CEL: variants seen among roughly 807,000 people sequenced by gnomAD.
The protein encoded by CEL is bile salt-activated lipase.
A neutral mutation model predicts 57.1 loss-of-function variants in CEL; 39 were observed. The ratio of observed to expected loss-of-function variants is 0.68; its 90% CI spans 0.53 to 0.89. The LOEUF is 0.89. CEL is among the 40% of genes least tolerant of loss of function. CEL has a pLI of 0.00. For synonymous variants in CEL, 314 were observed against 396.6 expected (o/e 0.79, Z 2.48); for missense variants, 698 against 915.0 (o/e 0.76, Z 3.06).
chr9:133,065,351 C>A, intron 4 of CEL, 114 bp downstream of exon 4: 1 of 1,225,526 alleles, frequency 8.2e-7, no homozygotes, highest in Non-Finnish European at 1.2e-6. Context: ...CAGAAAGACC[C>A]GGAAGCTGGA....
chr9:133,064,397 C>A lies in CEL; in HGVS notation c.67-7C>A, dbSNP rs780628254. The A allele has an allele frequency of 6.2e-7, 1 of 1,613,706 alleles. No individual in the cohort carries two copies. The highest frequency in any genetic ancestry group is 8.5e-7 in the Non-Finnish European group (1 of 1,180,008). Reference sequence around the variant, plus strand: ...CCCCCCTGACCCTGCCCGTGTCTCCCTCGCAGCTGGGCGCCGTGTACACAG... The same window carrying A: ...CCCCCCTGACCCTGCCCGTGTCTCCATCGCAGCTGGGCGCCGTGTACACAG... On this transcript the variant is annotated splice_region_variant and splice_polypyrimidine_tract_variant and intron_variant, in intron 1 of 10. Transcript: ENST00000372080.
intron 7 of CEL, among the ~76,000 whole-genome samples, chr9:133,067,681 A>G (rs1001377346): frequency 6.6e-6 from 1 of 152,022 alleles, no homozygotes; most frequent in African/African-American, 2.4e-5. Context: ...CCCCTTCTTT[A>G]TTCTTATCTC....
At chr9:133,067,033 T>C in intron 6 of CEL, 55 bp from the exon 7 acceptor site, 1 of 1,609,334 alleles carries the variant, frequency 6.2e-7, no homozygotes, top group South Asian at 1.1e-5. Context: ...CTTCAAATGG[T>C]TCTGAGCCCT....
rs750019603 is a variant in CEL at position 133,070,633 on chromosome 9, T to C, written c.1459T>C (p.Tyr487His). The C allele has an allele frequency of 3.7e-6, 6 of 1,614,064 alleles. No individual in the cohort carries two copies. Among genetic ancestry groups the C allele is most frequent in the Non-Finnish European group, 5.1e-6 (6 of 1,180,032 alleles). Residue 487 changes from tyrosine (Y) to histidine (H), a missense_variant, in exon 10 of 11, where the codon TAC becomes CAC. Around this residue, in one of 6 missense-constraint regions of CEL, gnomAD observed 111 missense variants for 147.3 expected, o/e 0.75. Transcript: ENST00000372080. ...DRTVSKAMIA[Y>H]WTNFAKTGDP... The stretch of plus-strand genomic sequence containing the variant: ...GACAGTCTCTAAGGCCATGATCGCC[T>C]ACTGGACCAACTTTGCCAAAACAGG...
chr9:133,067,106 T>G lies in CEL; in HGVS notation c.796T>G (p.Cys266Gly). 6.2e-7 allele frequency: 1 copy of G among 1,614,096 alleles called. No individual in the cohort carries two copies. Among genetic ancestry groups the G allele is most frequent in the Non-Finnish European group, 8.5e-7 (1 of 1,180,002 alleles). ...CCCCCAGGTGGCTGAGAAGGTGGGT[T>G]GCCCTGTGGGTGATGCCGCCAGGAT... ...WAKKVAEKVG[C>G]PVGDAARMAQ... The change falls in exon 7 of 11, where the codon TGC (cysteine) becomes GGC (glycine). Residue 266 changes from cysteine to glycine, a missense_variant. This residue lies in a region of CEL where 327 missense variants were observed against 374.1 expected (regional missense o/e 0.87). Transcript: ENST00000372080.
intron 4 of CEL, among the ~76,000 whole-genome samples, chr9:133,065,947 G>A (rs1293135747): frequency 2.0e-5 from 3 of 152,086 alleles, no homozygotes; most frequent in African/African-American, 4.8e-5. Flanking sequence ...GAGCCCAGGG[G>A]TTCAAAGCTG....
Position 133,066,368 on chromosome 9 carries a change from AC to A in CEL, c.539-159del, listed in dbSNP as rs1447637760. On this transcript the variant is annotated intron_variant, in intron 4 of 10. Transcript: ENST00000372080. The surrounding 1 kb of genome is among the most constrained non-coding windows in gnomAD (Gnocchi z 4.3). ...GGGGACCCACCCCCTCCAGCACCCT[AC>A]CCGACCCAGCTTCTTAGGGACCCAC... Among the ~76,000 whole-genome samples, 2 of 151,822 alleles carry A rather than the reference AC, an allele frequency of 1.3e-5. No homozygotes were observed. Among genetic ancestry groups the A allele is most frequent in the African/African-American group, 4.8e-5 (2 of 41,282 alleles).
At chr9:133,063,545 C>T (rs1376750714) in intron 1 of CEL, among the ~76,000 whole-genome samples, 1 of 152,212 alleles carries the variant, frequency 6.6e-6, no homozygotes, top group Admixed American at 6.5e-5. Flanking sequence ...TGACAGCCAG[C>T]AAGCAATGAC....
At chr9:133,067,706 C>T (rs1282422357) in intron 7 of CEL, among the ~76,000 whole-genome samples, 1 of 152,154 alleles carries the variant, frequency 6.6e-6, no homozygotes, top group African/African-American at 2.4e-5. Context: ...GAGTTACAGA[C>T]TCCCCTTTGA....
At chr9:133,069,629 T>G (rs1278786738) in intron 9 of CEL, among the ~76,000 whole-genome samples, 1 of 152,060 alleles carries the variant, frequency 6.6e-6, no homozygotes, top group Non-Finnish European at 1.5e-5. Flanking sequence ...GCCCATAATT[T>G]CAGCCCACCA....
At chr9:133,070,854 C>A in intron 10 of CEL, 133 bp from the exon 11 acceptor site, 1 of 1,239,550 alleles carries the variant, frequency 8.1e-7, no homozygotes, top group East Asian at 2.5e-5. Context: ...CAGCCAGTGC[C>A]CAGTATGCAG....
Position 133,070,608 on chromosome 9 carries a change from G to A in CEL, c.1434G>A (p.Arg478=). ...CCACGGGCTACCGGCCCCAAGACAG[G>A]ACAGTCTCTAAGGCCATGATCGCCT... ...ATPTGYRPQD[R]TVSKAMIAYW... is the part of the protein sequence containing the mutation. Residue 478 remains arginine (R), a synonymous_variant, in exon 10 of 11, where the codon AGG becomes AGA. Coordinates refer to ENST00000372080, the MANE Select transcript of CEL (RefSeq NM_001807.6). The A allele has an allele frequency of 1.2e-6, 2 of 1,614,134 alleles. No homozygotes were observed. The highest frequency in any genetic ancestry group is 1.1e-5 in the South Asian group (1 of 91,078).
At position 133,066,971 on chromosome 9, in the gene CEL, C is replaced by CGGGGGGGGGG. The variant is rs2119063419; in HGVS notation, c.777+30_777+31insGGGGGGGGGG. On this transcript the variant is annotated intron_variant, in intron 6 of 10. Transcript: ENST00000372080. The surrounding 1 kb of genome is among the most constrained non-coding windows in gnomAD (Gnocchi z 4.3). ...GTAAACGGAGGAGGGCAGGGCTGGG[C>CGGGGGGGGGG]GGGGTGGGGGCTGTCCACATTTCCG... 36 of 571,304 alleles carry CGGGGGGGGGG rather than the reference C, an allele frequency of 6.3e-5. No homozygotes were observed. Among genetic ancestry groups the CGGGGGGGGGG allele is most frequent in the Non-Finnish European group, 9.7e-5 (32 of 330,406 alleles). 35.4% of individuals were successfully genotyped at this position (571,304 alleles called of 1,614,324 possible). A position where few individuals can be genotyped will look rare whatever the true frequency, so the allele number is the denominator to read the frequency against.
Position 133,066,930 on chromosome 9 carries a change from C to T in CEL, c.762C>T (p.Leu254=). Residue 254 remains leucine (L), a synonymous_variant, in exon 6 of 11, where the codon CTC becomes CTT. Transcript: ENST00000372080. The surrounding 1 kb of genome is among the most constrained non-coding windows in gnomAD (Gnocchi z 4.3). The part of the protein sequence containing the change: ...LSPWVIQKNP[L]FWAKKVAEKV... ...CCTGGGTCATCCAGAAAAACCCACT[C>T]TTCTGGGCCAAAAAGGTAAACGGAG... The T allele has an allele frequency of 7.5e-7, 1 of 1,326,982 alleles. No individual in the cohort carries two copies. The highest frequency in any genetic ancestry group is 2.1e-4 in the Middle Eastern group (1 of 4,836). 82.2% of individuals were successfully genotyped at this position (1,326,982 alleles called of 1,614,324 possible).
chr9:133,071,286 C>G lies in CEL; in HGVS notation c.1784C>G (p.Pro595Arg). ...TGDSGAPPVP[P>R]TGDSGAPPVP... is the part of the protein sequence containing the mutation. ...GACTCCGGGGCCCCCCCCGTGCCGC[C>G]CACGGGTGACTCCGGGGCCCCCCCC... The change falls in exon 11 of 11, where the codon CCC becomes CGC. Residue 595 changes from proline (P) to arginine (R), a missense_variant. This residue lies in a region of CEL where 238 missense variants were observed against 213.7 expected (regional missense o/e 1.11). Coordinates refer to ENST00000372080, the MANE Select transcript of CEL (RefSeq NM_001807.6). The G allele has an allele frequency of 2.5e-6, 3 of 1,210,868 alleles. No homozygotes were observed. Among genetic ancestry groups the G allele is most frequent in the Non-Finnish European group, 3.5e-6 (3 of 868,820 alleles). 75.0% of individuals were successfully genotyped at this position (1,210,868 alleles called of 1,614,324 possible).
rs556574063 is a variant in CEL, at chr9:133,065,195, G to A, written c.496G>A (p.Gly166Ser). 6.7e-5 allele frequency: 108 copies of A among 1,613,756 alleles called. No homozygotes were observed. In the South Asian group the frequency reaches 1.1e-3, roughly 16 times the overall value. The change falls in exon 4 of 11, where the codon GGC (glycine) becomes AGC (serine). Residue 166 changes from glycine (G) to serine (S), a missense_variant. Gly to Ser is a moderately conservative substitution (Grantham distance 56, BLOSUM62 0). Transcript: ENST00000372080. ...CGTGGTCACCTTCAACTACCGTGTC[G>A]GCCCCCTTGGGTTCCTCAGCACTGG... Reference protein sequence around the residue: ...VIVVTFNYRVGPLGFLSTGDA... With the variant: ...VIVVTFNYRVSPLGFLSTGDA...
chr9:133,069,981 GTAAA>G lies in CEL; in HGVS notation c.1287-472_1287-469del, dbSNP rs1221269762. Reference sequence around the variant, plus strand: ...GTGAGACTGTGTCTCGAATAAATAAGTAAATAAATAATAAAAATAAAAAATAAGT... The same window carrying G: ...GTGAGACTGTGTCTCGAATAAATAAGTAAATAATAAAAATAAAAAATAAGT... On this transcript the variant is annotated intron_variant, in intron 9 of 10. Transcript: ENST00000372080. 2.0e-5 allele frequency among the ~76,000 whole-genome samples: 3 copies of G among 151,932 alleles called. No individual in the cohort carries two copies. In the East Asian group the frequency reaches 5.8e-4, roughly 29 times the overall value.
chr9:133,067,818 C>T (rs1476115753), intron 7 of CEL, among the ~76,000 whole-genome samples: 1 of 152,164 alleles, frequency 6.6e-6, no homozygotes, highest in Admixed American at 6.5e-5. Context: ...GACCAAGAGC[C>T]TTTGTGCTAG....
In CEL at chr9:133,071,210, C is replaced by T; in HGVS notation, c.1708C>T (p.Pro570Ser). Residue 570 changes from proline to serine, a missense_variant, in exon 11 of 11, where the codon CCC becomes TCC. Pro to Ser is a moderately conservative substitution (Grantham distance 74). Transcript: ENST00000372080. ...VPPTGDSEAT[P>S]VPPTGDSETA... ...CCCCACAGGGGACTCCGAGGCCACT[C>T]CCGTGCCCCCCACGGGTGACTCCGA... 6.2e-7 allele frequency: 1 copy of T among 1,602,332 alleles called. No homozygotes were observed. The highest frequency in any genetic ancestry group is 1.1e-5 in the South Asian group (1 of 90,740).
Sources: gnomAD v4.1 joint callset for allele counts (sites outside exome capture counted in the v4.1 genomes callset) on GRCh38, gnomAD v4.1.1 for gene constraint, gnomAD v4.1.1 regional missense constraint, Gnocchi (gnomAD v3.1) non-coding constraint, MANE v1.5 for transcripts, NCBI Gene and HGNC (gene_info 2026-07-23, HGNC 2026-07-21) for gene names.